SOX6: variants seen among roughly 807,000 people sequenced by gnomAD.
SOX6 encodes transcription factor SOX-6.
Under a neutral mutation model 97.8 loss-of-function variants are expected in SOX6, and 11 were observed. That is an observed-to-expected ratio of 0.11 (90% CI 0.07 to 0.19). The LOEUF (loss-of-function observed/expected upper bound fraction) is 0.19. Ranked by LOEUF, SOX6 falls within the 10% of genes least tolerant of loss-of-function variation. SOX6 has a pLI of 1.00. For missense variants in SOX6, 810 were observed against 1,039.5 expected (o/e 0.78, Z 3.04); for synonymous variants, 360 against 371.4 (o/e 0.97, Z 0.35).
At chr11:16,424,296 C>A (rs886821185) in intron 1 of SOX6, among the ~76,000 whole-genome samples, 2 of 152,216 alleles carry the variant, frequency 1.3e-5, no homozygotes, top group African/African-American at 2.4e-5. Flanking sequence ...GTAATAATAG[C>A]ATCTTGCATT....
chr11:16,714,168 AT>A (rs1215752970), intron 3 of SOX6, among the ~76,000 whole-genome samples: 24 of 152,172 alleles, frequency 1.6e-4, no homozygotes, highest in Admixed American at 1.5e-3. Context: ...GCAAATGATA[AT>A]TAGTTTAGCT....
chr11:16,692,285 G>A lies in SOX6; in HGVS notation n.429+22545C>T, dbSNP rs137896418. Among the ~76,000 whole-genome samples, 1,074 of 152,212 alleles carry A rather than the reference G, an allele frequency of 7.1e-3. 13 individuals are homozygous for A. The highest frequency in any genetic ancestry group is 0.023 in the African/African-American group (969 of 41,524). On this transcript the variant is annotated intron_variant and non_coding_transcript_variant, in intron 3 of 5. Transcript: ENST00000524520. The stretch of plus-strand genomic sequence containing the variant: ...AGGGTTTCGCCATGTAGGCCAGGCT[G>A]GTGATCCACCCACCTCGGCCTTCCA...
intron 4 of SOX6, among the ~76,000 whole-genome samples, chr11:16,585,661 G>C (rs762350001): frequency 4.0e-5 from 6 of 148,544 alleles, no homozygotes; most frequent in Non-Finnish European, 7.4e-5. Flanking sequence ...AAGACTCAAC[G>C]GAGAATTTTT....
intron 3 of SOX6, among the ~76,000 whole-genome samples, chr11:16,263,211 A>G (rs1028311108): frequency 1.3e-5 from 2 of 151,906 alleles, no homozygotes; most frequent in African/African-American, 4.8e-5. Context: ...AGAGACTCCA[A>G]TGCGAGTTGA....
intron 6 of SOX6, among the ~76,000 whole-genome samples, chr11:16,167,191 C>T (rs951759552): frequency 6.6e-6 from 1 of 152,150 alleles, no homozygotes; most frequent in African/African-American, 2.4e-5. Context: ...GTTCTTCTTA[C>T]AGCTTTTCCA....
intron 8 of SOX6, 76 bp downstream of exon 8, chr11:16,097,532 AT>A: frequency 8.1e-7 from 1 of 1,236,228 alleles, no homozygotes. Flanking sequence ...TCAGGCCATT[AT>A]TTAGCATACA....
At chr11:16,705,411 T>C (rs778435873) in intron 3 of SOX6, among the ~76,000 whole-genome samples, 4 of 152,056 alleles carry the variant, frequency 2.6e-5, no homozygotes, top group African/African-American at 4.8e-5. Flanking sequence ...GATCACTTGA[T>C]GCCAGGAATT....
At chr11:16,310,958 CAG>C (rs1454826422) in intron 3 of SOX6, among the ~76,000 whole-genome samples, 2 of 151,804 alleles carry the variant, frequency 1.3e-5, no homozygotes, top group Non-Finnish European at 2.9e-5. Flanking sequence ...TTTGCTTTAA[CAG>C]AAACACATTG....
intron 3 of SOX6, among the ~76,000 whole-genome samples, chr11:16,649,528 A>G (rs1849062256): frequency 6.6e-6 from 1 of 152,212 alleles, no homozygotes; most frequent in Admixed American, 6.5e-5. Flanking sequence ...ACTAAGCTTC[A>G]TGAATGAAGA....
chr11:16,032,733 C>T lies in SOX6; in HGVS notation c.1623+13781G>A, dbSNP rs1173227756. The stretch of plus-strand genomic sequence containing the variant: ...GGCTTCCATCATCTGAATCCTGCCC[C>T]TCTCTAACTCAGAGTACACTTCTCT... On this transcript the variant is annotated intron_variant, in intron 12 of 15. Transcript: ENST00000683767. 2.0e-5 allele frequency among the ~76,000 whole-genome samples: 3 copies of T among 152,094 alleles called. No homozygotes were observed. The East Asian group carries it at 5.8e-4, about 29-fold the overall frequency.
intron 3 of SOX6, among the ~76,000 whole-genome samples, chr11:16,288,941 C>A (rs1854828922): frequency 6.6e-6 from 1 of 151,820 alleles, no homozygotes; most frequent in South Asian, 2.1e-4. Context: ...AAGCTAATTT[C>A]TGACCTTTGT....
At chr11:16,387,767 T>C (rs1206090936) in intron 1 of SOX6, among the ~76,000 whole-genome samples, 1 of 152,134 alleles carries the variant, frequency 6.6e-6, no homozygotes, top group Non-Finnish European at 1.5e-5. Flanking sequence ...TAATTTTAAT[T>C]TGTAAAAGTT....
chr11:16,137,270 CA>C (rs1357345238), intron 6 of SOX6, among the ~76,000 whole-genome samples: 1 of 151,782 alleles, frequency 6.6e-6, no homozygotes, highest in Non-Finnish European at 1.5e-5. Flanking sequence ...TACTAAAATA[CA>C]AAAAATTAGC....
intron 1 of SOX6, among the ~76,000 whole-genome samples, chr11:16,459,885 C>A (rs1179616747): frequency 1.3e-5 from 2 of 151,676 alleles, no homozygotes; most frequent in Non-Finnish European, 2.9e-5. Context: ...TATGGAGGGG[C>A]ACGAACAAAA....
At chr11:16,179,795 G>A (rs978263798) in intron 6 of SOX6, among the ~76,000 whole-genome samples, 1 of 151,862 alleles carries the variant, frequency 6.6e-6, no homozygotes, top group Non-Finnish European at 1.5e-5. Flanking sequence ...TTAAGAGATC[G>A]TTGTTTAGTT....
chr11:16,629,947 C>T (rs1418477520), intron 3 of SOX6, among the ~76,000 whole-genome samples: 2 of 152,038 alleles, frequency 1.3e-5, no homozygotes, highest in Non-Finnish European at 2.9e-5. Flanking sequence ...TGTAATGTCA[C>T]CTTTTGTCAT....
chr11:16,321,152 A>C (rs1405214681), intron 2 of SOX6, among the ~76,000 whole-genome samples: 3 of 152,066 alleles, frequency 2.0e-5, no homozygotes, highest in Non-Finnish European at 4.4e-5. Flanking sequence ...CCTCTTAATA[A>C]AGTCCGTATT....
chr11:16,106,068 G>GAAT (rs1340552266), intron 7 of SOX6, among the ~76,000 whole-genome samples: 4 of 151,998 alleles, frequency 2.6e-5, no homozygotes, highest in African/African-American at 9.7e-5. Context: ...ATAAATAAAT[G>GAAT]GAAAAGCATC....
chr11:16,158,502 A>T (rs937385597), intron 6 of SOX6, among the ~76,000 whole-genome samples: 1 of 152,188 alleles, frequency 6.6e-6, no homozygotes, highest in East Asian at 1.9e-4. Flanking sequence ...TATAAAAATC[A>T]TATGATAAAT....
Sources: gnomAD v4.1 joint callset for allele counts (sites outside exome capture counted in the v4.1 genomes callset) on GRCh38, gnomAD v4.1.1 for gene constraint, MANE v1.5 for transcripts, NCBI Gene and HGNC (gene_info 2026-07-23, HGNC 2026-07-21) for gene names.